The following STK3 variants were observed in gnomAD, a reference collection of about 807,000 sequenced individuals.
The protein encoded by STK3 is serine/threonine-protein kinase 3.
A neutral mutation model predicts 58.0 loss-of-function variants in STK3; 41 were observed. The observed-to-expected ratio is 0.71, with a 90% CI of 0.55 to 0.92. STK3 has a LOEUF of 0.92. Among genes scored for constraint, STK3 ranks in the 40% least tolerant of loss-of-function variants. STK3 has a pLI of 0.00. For synonymous variants in STK3, 170 were observed against 191.0 expected (o/e 0.89, Z 0.91); for missense variants, 479 against 602.7 (o/e 0.79, Z 2.15).
intron 3 of STK3, among the ~76,000 whole-genome samples, chr8:98,402,738 T>C (rs953234071): frequency 1.3e-5 from 2 of 152,156 alleles, no homozygotes; most frequent in African/African-American, 4.8e-5. Context: ...AGTCTGTGCT[T>C]GTTCCCTCAG....
chr8:98,781,096 C>G (rs1832058806), intron 1 of STK3, among the ~76,000 whole-genome samples: 1 of 152,198 alleles, frequency 6.6e-6, no homozygotes, highest in Non-Finnish European at 1.5e-5. Context: ...TTTTCAGATG[C>G]TGGCTATCAG....
chr8:98,711,786 C>T (rs1346970960), intron 4 of STK3, among the ~76,000 whole-genome samples: 2 of 152,118 alleles, frequency 1.3e-5, no homozygotes, highest in Admixed American at 1.3e-4. Context: ...ACAGAGAACG[C>T]CACAAAGATA....
rs184361201 is a variant in STK3, at chr8:98,379,475, C to T, written n.57-268G>A. On this transcript the variant is annotated intron_variant and non_coding_transcript_variant, in intron 1 of 2. Coordinates refer to the STK3 transcript ENST00000518704. ...CAAATCAGCCAAATGTTGCAGAAAC[C>T]TACACCAGGCTCACAGATTGCTCCC... 1.9e-4 allele frequency among the ~76,000 whole-genome samples: 29 copies of T among 152,292 alleles called. 1 individual carries two copies. The highest frequency in any genetic ancestry group is 1.7e-3 in the Admixed American group (26 of 15,298).
chr8:98,595,191 T>C (rs911264071), intron 7 of STK3: 4 of 152,164 alleles, frequency 2.6e-5, no homozygotes, highest in African/African-American at 4.8e-5. Flanking sequence ...GGAGATTGAG[T>C]ACCAAGTTAC....
intron 3 of STK3, among the ~76,000 whole-genome samples, chr8:98,843,940 G>T (rs796742813): frequency 2.0e-5 from 3 of 152,166 alleles, no homozygotes; most frequent in South Asian, 4.1e-4. Flanking sequence ...TGGGAGTATC[G>T]CTTGAGCCCA....
intron 1 of STK3, among the ~76,000 whole-genome samples, chr8:98,387,679 C>T (rs927921161): frequency 6.6e-6 from 1 of 152,064 alleles, no homozygotes; most frequent in Non-Finnish European, 1.5e-5. Flanking sequence ...ACCTGGGAGG[C>T]AGAGGTTGTG....
chr8:98,399,422 G>A (rs1166456410), downstream of STK3, among the ~76,000 whole-genome samples: 2 of 152,200 alleles, frequency 1.3e-5, no homozygotes, highest in Admixed American at 6.5e-5. Flanking sequence ...ACACATTCCC[G>A]GTTGACGCTC....
At chr8:98,414,850 A>G (rs1170357088) in intron 3 of STK3, among the ~76,000 whole-genome samples, 1 of 152,192 alleles carries the variant, frequency 6.6e-6, no homozygotes, top group Non-Finnish European at 1.5e-5. Context: ...TGAGCTCTGC[A>G]CTATCGGAAG....
chr8:98,737,559 T>C (rs1034185494), intron 4 of STK3, among the ~76,000 whole-genome samples: 48 of 152,184 alleles, frequency 3.2e-4, no homozygotes, highest in African/African-American at 1.2e-3. Flanking sequence ...AAAACTGCTA[T>C]GGTGAATAAC....
intron 10 of STK3, among the ~76,000 whole-genome samples, chr8:98,476,205 T>G (rs1821298809): frequency 6.6e-6 from 1 of 152,186 alleles, no homozygotes; most frequent in East Asian, 1.9e-4. Context: ...TTCATCAAAA[T>G]CAGAGGCATG....
At chr8:98,362,379 G>A in the STK3 span, among the ~76,000 whole-genome samples, 5 of 152,114 alleles carry the variant, frequency 3.3e-5, no homozygotes, top group African/African-American at 7.2e-5. Flanking sequence ...GGGTGCTGGC[G>A]TGCCACTGTC....
At chr8:98,900,491 T>C (rs936012896) in intron 1 of STK3, among the ~76,000 whole-genome samples, 7 of 152,146 alleles carry the variant, frequency 4.6e-5, no homozygotes, top group African/African-American at 1.7e-4. Flanking sequence ...ACATATATAG[T>C]TTCCCCTCCC....
rs557476650 is a variant in STK3 at position 98,713,197 on chromosome 8, T to C, written c.352-5886A>G. Among the ~76,000 whole-genome samples, 1,402 of 152,132 alleles carry C rather than the reference T, an allele frequency of 9.2e-3. 17 individuals are homozygous for C. The highest frequency in any genetic ancestry group is 0.032 in the African/African-American group (1,326 of 41,496). ...AGAGAAAGCAGGAAAGATCTAAAAT[T>C]GACACCCTAACATCACAATTAAAAG... On this transcript the variant is annotated intron_variant, in intron 4 of 10. Coordinates refer to ENST00000419617, the MANE Select transcript of STK3 (RefSeq NM_006281.4).
chr8:98,695,432 C>T (rs1314699808), intron 6 of STK3, among the ~76,000 whole-genome samples: 3 of 152,116 alleles, frequency 2.0e-5, no homozygotes, highest in African/African-American at 4.8e-5. Flanking sequence ...ATGCCTATGT[C>T]CTGAATGGTA....
intron 6 of STK3, among the ~76,000 whole-genome samples, chr8:98,676,133 A>T (rs1823191250): frequency 6.6e-6 from 1 of 152,214 alleles, no homozygotes; most frequent in African/African-American, 2.4e-5. Flanking sequence ...TCTTGATTCC[A>T]CTTACATGAG....
intron 4 of STK3, among the ~76,000 whole-genome samples, chr8:98,730,997 A>G (rs1473538209): frequency 6.6e-6 from 1 of 152,182 alleles, no homozygotes; most frequent in Non-Finnish European, 1.5e-5. Context: ...AAAAGTACAG[A>G]AGGAGGAGGA....
Position 98,774,286 on chromosome 8 carries a change from C to A in STK3, c.107+453G>T, listed in dbSNP as rs140925104. 3.2e-3 allele frequency among the ~76,000 whole-genome samples: 490 copies of A among 152,246 alleles called. 1 individual carries two copies. The highest frequency in any genetic ancestry group is 0.014 in the Middle Eastern group (4 of 294). On this transcript the variant is annotated intron_variant, in intron 2 of 10. Coordinates refer to ENST00000419617, the MANE Select transcript of STK3 (RefSeq NM_006281.4). ...CGTTTCTCTACTGTTATTTTGAAAT[C>A]ATGTCAACTATTCTTCTGCCTATAT...
At chr8:98,716,039 A>C (rs537367416) in intron 4 of STK3, among the ~76,000 whole-genome samples, 2 of 152,182 alleles carry the variant, frequency 1.3e-5, no homozygotes, top group African/African-American at 4.8e-5. Flanking sequence ...AGGACAAAAA[A>C]AAACAAACAC....
intron 6 of STK3, among the ~76,000 whole-genome samples, chr8:98,692,726 T>C (rs1348226344): frequency 1.3e-5 from 2 of 152,118 alleles, no homozygotes; most frequent in Non-Finnish European, 2.9e-5. Flanking sequence ...ATAAATTTTA[T>C]GTTATATATT....
Sources: gnomAD v4.1 joint callset for allele counts (sites outside exome capture counted in the v4.1 genomes callset) on GRCh38, gnomAD v4.1.1 for gene constraint, MANE v1.5 for transcripts, NCBI Gene and HGNC (gene_info 2026-07-23, HGNC 2026-07-21) for gene names.